The following KCNN2 variants were observed in gnomAD, a reference collection of about 807,000 sequenced individuals.
The protein encoded by KCNN2 is small conductance calcium-activated potassium channel protein 2.
KCNN2 carries 24 observed loss-of-function variants against 55.5 expected under a neutral mutation model. That is an observed-to-expected ratio of 0.43 (90% CI 0.31 to 0.61). The LOEUF (loss-of-function observed/expected upper bound fraction) is 0.61, where lower values mean the gene tolerates loss of function less well. Among genes scored for constraint, KCNN2 ranks in the 20% least tolerant of loss-of-function variants. KCNN2 has a pLI of 0.08. For synonymous variants in KCNN2, 431 were observed against 336.1 expected (o/e 1.28, Z -3.09); for missense variants, 754 against 853.6 (o/e 0.88, Z 1.45).
chr5:114,441,526 G>T (rs1314192918), intron 3 of KCNN2, among the ~76,000 whole-genome samples: 3 of 152,110 alleles, frequency 2.0e-5, no homozygotes, highest in Admixed American at 1.3e-4. Flanking sequence ...AACTCCAGAA[G>T]TAACTAAACT....
At chr5:114,471,295 T>C (rs1454798263) in intron 4 of KCNN2, among the ~76,000 whole-genome samples, 1 of 147,476 alleles carries the variant, frequency 6.8e-6, no homozygotes, top group Non-Finnish European at 1.5e-5. Context: ...AGGTACATCC[T>C]CCTGTGTACT....
intron 2 of KCNN2, among the ~76,000 whole-genome samples, chr5:114,289,783 A>C (rs1286516878): frequency 6.6e-6 from 1 of 152,210 alleles, no homozygotes; most frequent in Non-Finnish European, 1.5e-5. Context: ...CAGAATTAAT[A>C]GTAAATCATT....
rs534188215 is a variant in KCNN2 at position 114,273,584 on chromosome 5, G to A, written c.-185+52019G>A. The stretch of plus-strand genomic sequence containing the variant: ...GATGGTACCTCACTGAGGTTTTGAT[G>A]TGCATTTCTCTAATGACCAGTGATG... On this transcript the variant is annotated intron_variant, in intron 2 of 10. Coordinates refer to the KCNN2 transcript ENST00000512097. Among the ~76,000 whole-genome samples, 30 of 152,258 alleles carry A rather than the reference G, an allele frequency of 2.0e-4. No individual in the cohort carries two copies. The South Asian group carries it at 3.7e-3, about 19-fold the overall frequency.
chr5:114,451,144 A>G (rs1669373284), intron 3 of KCNN2, among the ~76,000 whole-genome samples: 1 of 152,170 alleles, frequency 6.6e-6, no homozygotes, highest in South Asian at 2.1e-4. Context: ...ATGACATGTA[A>G]ATGCATAGTG....
At chr5:114,341,403 T>C (rs1272878782) in intron 2 of KCNN2, among the ~76,000 whole-genome samples, 1 of 152,126 alleles carries the variant, frequency 6.6e-6, no homozygotes, top group African/African-American at 2.4e-5. Context: ...AGAAATGAAA[T>C]GAAGATAAAA....
intron 2 of KCNN2, among the ~76,000 whole-genome samples, chr5:114,279,787 T>C (rs7723818): frequency 0.9 from 135,092 of 150,668 alleles, 60,980 homozygotes; most frequent in East Asian, 0.94. Flanking sequence ...TATAGCAGCA[T>C]GATTTATAAT....
At chr5:114,356,503 G>A (rs1757296099) in intron 2 of KCNN2, among the ~76,000 whole-genome samples, 1 of 152,082 alleles carries the variant, frequency 6.6e-6, no homozygotes, top group East Asian at 1.9e-4. Flanking sequence ...AGCAAACTCA[G>A]TATGAGTTTT....
chr5:114,207,712 C>T (rs929642431), intron 1 of KCNN2, among the ~76,000 whole-genome samples: 1 of 152,152 alleles, frequency 6.6e-6, no homozygotes, highest in African/African-American at 2.4e-5. Flanking sequence ...ATTAAGTTAA[C>T]TTACTTGCAC....
At chr5:114,140,501 GTCA>G (rs1429785478) in intron 1 of KCNN2, among the ~76,000 whole-genome samples, 2 of 152,098 alleles carry the variant, frequency 1.3e-5, no homozygotes, top group East Asian at 1.9e-4. Flanking sequence ...TAATATTTAA[GTCA>G]TCATCTACGT....
intron 1 of KCNN2, among the ~76,000 whole-genome samples, chr5:114,131,508 T>A (rs1448081071): frequency 6.6e-6 from 1 of 152,238 alleles, no homozygotes; most frequent in African/African-American, 2.4e-5. Context: ...GTGTACCACA[T>A]TTTATTTATC....
intron 4 of KCNN2, among the ~76,000 whole-genome samples, chr5:114,469,730 C>G (rs1466076544): frequency 6.6e-6 from 1 of 152,180 alleles, no homozygotes; most frequent in Non-Finnish European, 1.5e-5. Context: ...ACTTAAATTA[C>G]TATAACCATG....
chr5:114,379,610 ATATAT>A lies in KCNN2; in HGVS notation c.1218+15615_1218+15619del, dbSNP rs1222819180. Among the ~76,000 whole-genome samples the A allele has an allele frequency of 3.1e-5, 3 of 98,350 alleles. 1 individual carries two copies. In the East Asian group the frequency reaches 6.3e-4, roughly 21 times the overall value. 64.5% of individuals were successfully genotyped at this position (98,350 alleles called of 152,430 possible). ...TATATAACATATTATATATTTTAGA[ATATAT>A]TATATAACATATTATATATTTGTAG... On this transcript the variant is annotated intron_variant, in intron 2 of 7. Transcript: ENST00000673685.
intron 1 of KCNN2, among the ~76,000 whole-genome samples, chr5:114,153,137 C>A (rs1399426856): frequency 6.6e-6 from 1 of 152,164 alleles, no homozygotes; most frequent in Non-Finnish European, 1.5e-5. Flanking sequence ...GGCTTTGAGA[C>A]ATCCATGTGA....
At chr5:114,472,351 C>T (rs963038042) in intron 4 of KCNN2, among the ~76,000 whole-genome samples, 1 of 152,178 alleles carries the variant, frequency 6.6e-6, no homozygotes, top group Non-Finnish European at 1.5e-5. Context: ...GAGATCAGAA[C>T]AATGGTCTGT....
intron 1 of KCNN2, among the ~76,000 whole-genome samples, chr5:114,208,922 T>C: frequency 6.6e-6 from 1 of 152,228 alleles, no homozygotes; most frequent in East Asian, 1.9e-4. Flanking sequence ...TCTCTCCCAG[T>C]CATTATTTCA....
intron 1 of KCNN2, among the ~76,000 whole-genome samples, chr5:114,140,792 T>TATG (rs1384679530): frequency 1.4e-5 from 2 of 147,482 alleles, no homozygotes; most frequent in African/African-American, 5.0e-5. Context: ...TTATTATTAT[T>TATG]ATTATTATTA....
chr5:114,309,602 G>C (rs1423298115), intron 2 of KCNN2, among the ~76,000 whole-genome samples: 3 of 152,210 alleles, frequency 2.0e-5, no homozygotes, highest in African/African-American at 4.8e-5. Flanking sequence ...GACAAAGGCA[G>C]ATAAAGTCAT....
chr5:114,391,947 A>G (rs1758461838), intron 2 of KCNN2, among the ~76,000 whole-genome samples: 1 of 152,094 alleles, frequency 6.6e-6, no homozygotes, highest in Non-Finnish European at 1.5e-5. Flanking sequence ...TTAGGGCTGG[A>G]GGAAGGGAAA....
intron 2 of KCNN2, among the ~76,000 whole-genome samples, chr5:114,392,178 G>A (rs1431768526): frequency 6.6e-6 from 1 of 152,132 alleles, no homozygotes; most frequent in Non-Finnish European, 1.5e-5. Flanking sequence ...TGATAGTGTT[G>A]CCTACAACAT....
Sources: gnomAD v4.1 joint callset for allele counts (sites outside exome capture counted in the v4.1 genomes callset) on GRCh38, gnomAD v4.1.1 for gene constraint, MANE v1.5 for transcripts, NCBI Gene and HGNC (gene_info 2026-07-23, HGNC 2026-07-21) for gene names.